Variants in ADCY5 observed in about 807,000 individuals in gnomAD.
ADCY5 encodes the protein adenylate cyclase 5, also known as adenylate cyclase type 5.
In ADCY5, 30 loss-of-function variants were observed where a neutral mutation model predicts 119.7. The observed-to-expected ratio is 0.25, with a 90% CI of 0.19 to 0.34. The LOEUF is 0.34. Among genes scored for constraint, ADCY5 ranks in the 10% least tolerant of loss-of-function variants. The pLI is 1.00. For synonymous variants in ADCY5, 753 were observed against 762.2 expected (o/e 0.99, Z 0.20); for missense variants, 1,324 against 1,775.2 (o/e 0.75, Z 4.57).
intron 6 of ADCY5, 55 bp from the exon 7 acceptor site, chr3:123,327,814 T>A: frequency 6.3e-7 from 1 of 1,594,360 alleles, no homozygotes; most frequent in South Asian, 1.1e-5. Flanking sequence ...AGTCATAATG[T>A]CAGCCCCCGT....
chr3:123,337,891 A>G (rs571701538), intron 3 of ADCY5, among the ~76,000 whole-genome samples: 3 of 152,284 alleles, frequency 2.0e-5, no homozygotes, highest in Non-Finnish European at 4.4e-5. Context: ...CACAACTAGT[A>G]ACTCCAAATT....
At chr3:123,429,320 C>G (rs1576691653) in intron 1 of ADCY5, among the ~76,000 whole-genome samples, 3 of 152,194 alleles carry the variant, frequency 2.0e-5, no homozygotes, top group African/African-American at 7.2e-5. Flanking sequence ...CCAAAGACCG[C>G]TAGATGCCAT....
At chr3:123,391,158 T>A (rs1485187282) in intron 1 of ADCY5, among the ~76,000 whole-genome samples, 1 of 152,178 alleles carries the variant, frequency 6.6e-6, no homozygotes. Context: ...CAGGGCATGC[T>A]GATACCTCTA....
At chr3:123,314,920 T>G (rs565714749) in intron 11 of ADCY5, among the ~76,000 whole-genome samples, 2 of 152,312 alleles carry the variant, frequency 1.3e-5, no homozygotes, top group African/African-American at 4.8e-5. Flanking sequence ...AGTCCCGCAG[T>G]TTTTGCTCCT....
intron 1 of ADCY5, among the ~76,000 whole-genome samples, chr3:123,441,584 C>A (rs184273292): frequency 6.6e-6 from 1 of 152,154 alleles, no homozygotes; most frequent in African/African-American, 2.4e-5. Context: ...TAATTTAGTC[C>A]CTCTTCTAAT....
chr3:123,363,175 CA>C (rs58090373), intron 1 of ADCY5, among the ~76,000 whole-genome samples: 16,592 of 89,870 alleles, frequency 0.18, 2,485 homozygotes, highest in African/African-American at 0.43. Flanking sequence ...AATTGAAGAA[CA>C]AAAAAAAAAA....
At chr3:123,398,768 G>T (rs1420817391) in intron 1 of ADCY5, among the ~76,000 whole-genome samples, 2 of 152,088 alleles carry the variant, frequency 1.3e-5, no homozygotes, top group African/African-American at 4.8e-5. Context: ...TGATGTCCTT[G>T]TCTTCTGGGT....
chr3:123,426,153 G>C lies in ADCY5; in HGVS notation c.1134+21259C>G, dbSNP rs563377776. ...TCATGATATCTCATTTCATGGAGGA[G>C]AGCACTAAAGCCCAGAAAGGGCAGG... On this transcript the variant is annotated intron_variant, in intron 1 of 20. Coordinates refer to ENST00000462833, the MANE Select transcript of ADCY5 (RefSeq NM_183357.3). Among the ~76,000 whole-genome samples the C allele has an allele frequency of 2.6e-5, 4 of 152,274 alleles. No homozygotes were observed. The East Asian group carries it at 5.8e-4, about 22-fold the overall frequency.
At chr3:123,309,108 G>C (rs999722924) in intron 12 of ADCY5, among the ~76,000 whole-genome samples, 2 of 152,202 alleles carry the variant, frequency 1.3e-5, no homozygotes, top group Non-Finnish European at 2.9e-5. Context: ...AACCATGATT[G>C]GGGTAAGGAA....
At chr3:123,297,823 C>G (rs923057795) in intron 15 of ADCY5, among the ~76,000 whole-genome samples, 2 of 152,160 alleles carry the variant, frequency 1.3e-5, no homozygotes, top group South Asian at 4.1e-4. Flanking sequence ...GTAAAACATA[C>G]ACCAGGTTTT....
At chr3:123,380,328 C>T (rs1943989257) in intron 1 of ADCY5, among the ~76,000 whole-genome samples, 1 of 152,338 alleles carries the variant, frequency 6.6e-6, no homozygotes, top group African/African-American at 2.4e-5. Flanking sequence ...TCCATCCCAT[C>T]CCCCACAACC....
intron 1 of ADCY5, among the ~76,000 whole-genome samples, chr3:123,363,143 GAAAAAAAA>G (rs58854772): frequency 1.2e-4 from 6 of 50,086 alleles, no homozygotes; most frequent in South Asian, 6.0e-4. Context: ...ATTCCTTCTT[GAAAAAAAA>G]AAAAAAAAAA....
rs79486403 is a variant in ADCY5 at position 123,373,741 on chromosome 3, C to T, written c.1135-21160G>A. Among the ~76,000 whole-genome samples the T allele has an allele frequency of 6.8e-3, 972 of 143,532 alleles. 43 individuals carry two copies. In the East Asian group the frequency reaches 0.11, roughly 17 times the overall value. 94.2% of individuals were successfully genotyped at this position (143,532 alleles called of 152,430 possible). The stretch of plus-strand genomic sequence containing the variant: ...TTGCTGAGCTGTGGAATTTAGCCAA[C>T]AGGCCAGAAGCATCACGCCCCCCCC... On this transcript the variant is annotated intron_variant, in intron 1 of 20. Transcript: ENST00000462833.
intron 1 of ADCY5, chr3:123,416,368 T>C: frequency 1.3e-6 from 2 of 1,508,662 alleles, no homozygotes; most frequent in South Asian, 2.5e-5. Flanking sequence ...CCCCTTGTCT[T>C]GGGGAAGACA....
intron 7 of ADCY5, among the ~76,000 whole-genome samples, chr3:123,327,224 A>C (rs1941534203): frequency 6.6e-6 from 1 of 152,228 alleles, no homozygotes; most frequent in African/African-American, 2.4e-5. Flanking sequence ...GCACATGTGG[A>C]GATGGACACC....
intron 1 of ADCY5, among the ~76,000 whole-genome samples, chr3:123,432,480 C>T (rs1196206207): frequency 6.6e-6 from 1 of 152,072 alleles, no homozygotes; most frequent in East Asian, 1.9e-4. Flanking sequence ...AGTGGCGGAT[C>T]CTAGAAAGGG....
intron 3 of ADCY5, among the ~76,000 whole-genome samples, chr3:123,340,695 C>T (rs564009629): frequency 1.4e-4 from 22 of 152,260 alleles, no homozygotes; most frequent in African/African-American, 4.8e-4. Context: ...TGGAGGAATT[C>T]GAACCCTTGT....
intron 1 of ADCY5, among the ~76,000 whole-genome samples, chr3:123,439,921 C>T (rs1945694217): frequency 6.6e-6 from 1 of 152,204 alleles, no homozygotes; most frequent in Non-Finnish European, 1.5e-5. Flanking sequence ...TGCCAGGCAA[C>T]AGCTCTCTGT....
rs115386202 is a variant in ADCY5, at chr3:123,296,557, G to C, written c.2931-341C>G. 3.7e-3 allele frequency among the ~76,000 whole-genome samples: 560 copies of C among 152,284 alleles called. 3 individuals are homozygous for C. The highest frequency in any genetic ancestry group is 0.013 in the African/African-American group (546 of 41,558). On this transcript the variant is annotated intron_variant, in intron 16 of 20. Coordinates refer to ENST00000462833, the MANE Select transcript of ADCY5 (RefSeq NM_183357.3). ...AGCATGTACATCCAGATCCTTCTCT[G>C]GACAAGACAGGGGCAGTGGGTGCAG...
Sources: allele counts gnomAD v4.1 joint callset (sites outside exome capture counted in the v4.1 genomes callset), GRCh38; gene constraint gnomAD v4.1.1; transcripts MANE v1.5; gene names NCBI Gene and HGNC (gene_info 2026-07-23, HGNC 2026-07-21).